The following DENND2B variants were observed in gnomAD, a reference collection of about 807,000 sequenced individuals.
The protein encoded by DENND2B is DENN domain containing 2B.
DENND2B carries 32 observed loss-of-function variants against 116.0 expected under a neutral mutation model. The ratio of observed to expected loss-of-function variants is 0.28; its 90% confidence interval spans 0.21 to 0.37. The LOEUF is 0.37. DENND2B is among the 10% of genes least tolerant of loss of function. The pLI is 1.00. For missense variants in DENND2B, 1,276 were observed against 1,477.7 expected, an observed-to-expected ratio of 0.86 and a Z score of 2.24; for synonymous variants, 588 against 583.9, an observed-to-expected ratio of 1.01 and a Z score of -0.10.
chr11:8,790,594 C>T (rs1042216812), intron 1 of DENND2B, among the ~76,000 whole-genome samples: 1 of 151,924 alleles, frequency 6.6e-6, no homozygotes, highest in African/African-American at 2.4e-5. Flanking sequence ...CACGGCAAGG[C>T]CCCATCTCTA....
At chr11:8,878,255 C>T (rs2063865325) in intron 2 of DENND2B, among the ~76,000 whole-genome samples, 1 of 152,168 alleles carries the variant, frequency 6.6e-6, no homozygotes, top group African/African-American at 2.4e-5. Context: ...ACCATGTGAC[C>T]AGCAATTCCA....
chr11:8,737,663 TTTTC>T (rs749011928), intron 2 of DENND2B, among the ~76,000 whole-genome samples: 8 of 122,668 alleles, frequency 6.5e-5, no homozygotes, highest in Non-Finnish European at 1.2e-4. Context: ...TTCTCTCTCT[TTTTC>T]TTTCTTTCTC....
chr11:8,724,902 C>A lies in DENND2B; in HGVS notation c.1477+1171G>T, dbSNP rs140165202. Among the ~76,000 whole-genome samples the A allele has an allele frequency of 6.8e-4, 104 of 152,338 alleles. 1 individual carries two copies. Among genetic ancestry groups the A allele is most frequent in the Middle Eastern group, 3.4e-3 (1 of 294 alleles). The stretch of plus-strand genomic sequence containing the variant: ...TCTCTGAAAAGACTGGGGTTTCCTA[C>A]GCTTGGGCTCCCCAGCTGGGACATG... On this transcript the variant is annotated intron_variant, in intron 4 of 19. Transcript: ENST00000313726.
Position 8,697,572 on chromosome 11 carries a change from C to G in DENND2B, c.3005G>C (p.Arg1002Thr). Residue 1002 changes from arginine to threonine, a missense_variant, in exon 17 of 20, where the codon AGG (arginine) becomes ACG (threonine). Coordinates refer to ENST00000313726, the MANE Select transcript of DENND2B (RefSeq NM_213618.2). ...GTCCTGGGAGATCAGCTCATTCTTCCTCTCCAGAGCCTGCTCCAGAGCTGC... is the reference window on the plus strand; with the variant it reads ...GTCCTGGGAGATCAGCTCATTCTTCGTCTCCAGAGCCTGCTCCAGAGCTGC... ...LQAALEQALE[R>T]KNELISQDSD... 6.2e-7 allele frequency: 1 copy of G among 1,614,244 alleles called. No homozygotes were observed. The highest frequency in any genetic ancestry group is 8.5e-7 in the Non-Finnish European group (1 of 1,180,028).
At chr11:8,785,162 G>T (rs2292045) in intron 1 of DENND2B, 40,882 of 151,956 alleles carry the variant, frequency 0.27, 6,216 homozygotes, top group Middle Eastern at 0.42. Context: ...CTAGGCTTTT[G>T]GACTTGGACC....
chr11:8,852,237 A>T (rs1259874771), intron 3 of DENND2B, among the ~76,000 whole-genome samples: 1 of 152,228 alleles, frequency 6.6e-6, no homozygotes, highest in Non-Finnish European at 1.5e-5. Context: ...CTGAAGTAAA[A>T]GCCAGATCAC....
intron 4 of DENND2B, chr11:8,831,781 G>A (rs2062216791): frequency 6.6e-6 from 1 of 152,044 alleles, no homozygotes; most frequent in Non-Finnish European, 1.5e-5. Context: ...AAAAAACCAG[G>A]CTTAACTTCT....
At chr11:8,857,282 C>T (rs890751596) in intron 3 of DENND2B, 1 of 152,160 alleles carries the variant, frequency 6.6e-6, no homozygotes, top group African/African-American at 2.4e-5. Context: ...AAAACCACCA[C>T]AAATCTCTAA....
intron 1 of DENND2B, among the ~76,000 whole-genome samples, chr11:8,791,070 C>A (rs550284896): frequency 6.6e-6 from 1 of 152,312 alleles, no homozygotes; most frequent in African/African-American, 2.4e-5. Flanking sequence ...GCTCCATTTC[C>A]TCACACCTTT....
At chr11:8,863,634 C>T (rs528789878) in intron 2 of DENND2B, among the ~76,000 whole-genome samples, 1 of 152,032 alleles carries the variant, frequency 6.6e-6, no homozygotes, top group Non-Finnish European at 1.5e-5. Flanking sequence ...AATAGCAAAA[C>T]GGAATCCTCA....
chr11:8,822,602 T>C (rs1029831729), intron 4 of DENND2B, among the ~76,000 whole-genome samples: 11 of 152,240 alleles, frequency 7.2e-5, no homozygotes, highest in Admixed American at 1.3e-4. Flanking sequence ...GTCAACTGGA[T>C]ACTTTCCACC....
intron 1 of DENND2B, among the ~76,000 whole-genome samples, chr11:8,758,856 C>G (rs777375793): frequency 9.2e-5 from 14 of 152,184 alleles, no homozygotes; most frequent in Non-Finnish European, 1.3e-4. Flanking sequence ...TAGCCTGCAT[C>G]CCAGCAGGAA....
At chr11:8,842,390 G>T (rs2062655591) in intron 3 of DENND2B, among the ~76,000 whole-genome samples, 1 of 152,060 alleles carries the variant, frequency 6.6e-6, no homozygotes, top group South Asian at 2.1e-4. Flanking sequence ...CTATTTAATG[G>T]TATAAACCTC....
chr11:8,799,380 C>A (rs2060113480), intron 1 of DENND2B, among the ~76,000 whole-genome samples: 1 of 152,100 alleles, frequency 6.6e-6, no homozygotes, highest in Non-Finnish European at 1.5e-5. Context: ...TGGAGAGAGG[C>A]AGAGAACATA....
intron 2 of DENND2B, among the ~76,000 whole-genome samples, chr11:8,743,555 A>C (rs976308995): frequency 9.2e-5 from 14 of 152,084 alleles, no homozygotes; most frequent in African/African-American, 3.4e-4. Context: ...GTCTCAAAAA[A>C]AAAAATTTTT....
Position 8,698,984 on chromosome 11 carries a change from G to C in DENND2B, c.2899-10C>G. 6.2e-7 allele frequency: 1 copy of C among 1,614,118 alleles called. No individual in the cohort carries two copies. Among genetic ancestry groups the C allele is most frequent in the Non-Finnish European group, 8.5e-7 (1 of 1,180,022 alleles). Reference sequence around the variant, plus strand: ...GATTCACCATCAGCGCCTGAGAAAAGGAGTCATTAGCAGAGTGGCTCAGGG... The same window carrying C: ...GATTCACCATCAGCGCCTGAGAAAACGAGTCATTAGCAGAGTGGCTCAGGG... On this transcript the variant is annotated splice_polypyrimidine_tract_variant and intron_variant, in intron 15 of 19. Transcript: ENST00000313726.
At chr11:8,832,451 CAAA>C (rs10715263) in intron 4 of DENND2B, 7 of 100,650 alleles carry the variant, frequency 7.0e-5, no homozygotes, top group Admixed American at 2.0e-4. Context: ...ACTCTGTCTC[CAAA>C]AAAAAAAAAA....
At chr11:8,726,292 G>A in intron 3 of DENND2B, 83 bp from the exon 4 acceptor site, 4 of 1,512,962 alleles carry the variant, frequency 2.6e-6, no homozygotes, top group Non-Finnish European at 3.5e-6. Context: ...CAACAGCAAA[G>A]ACCATAGGCC....
rs372841546 is a variant in DENND2B at position 8,750,721 on chromosome 11, G to C, written c.-21C>G. ...GTCATTTCGGCTCTCTGCAAACCCA[G>C]AGCCCTGCAAAGACGACAATGCCGG... On this transcript the variant is annotated 5_prime_UTR_variant, in exon 2 of 20. Coordinates refer to ENST00000313726, the MANE Select transcript of DENND2B (RefSeq NM_213618.2). 6.2e-7 allele frequency: 1 copy of C among 1,614,028 alleles called. No homozygotes were observed. Among genetic ancestry groups the C allele is most frequent in the Non-Finnish European group, 8.5e-7 (1 of 1,180,012 alleles).
Sources: gnomAD v4.1 joint callset for allele counts (sites outside exome capture counted in the v4.1 genomes callset) on GRCh38, gnomAD v4.1.1 for gene constraint, MANE v1.5 for transcripts, NCBI Gene and HGNC (gene_info 2026-07-23, HGNC 2026-07-21) for gene names.